BFSP1: variants seen among roughly 807,000 people sequenced by gnomAD.
BFSP1 encodes beaded filament structural protein 1, also known as filensin.
Under a neutral mutation model 43.9 loss-of-function variants are expected in BFSP1, and 38 were observed. The ratio of observed to expected loss-of-function variants is 0.87; its 90% confidence interval spans 0.67 to 1.14. The LOEUF is 1.14. Among genes scored for constraint, BFSP1 ranks in the 50% most tolerant of loss-of-function variants. BFSP1 has a pLI of 0.00. For missense variants in BFSP1, 850 were observed against 875.1 expected, an observed-to-expected ratio of 0.97 and a Z score of 0.36; for synonymous variants, 352 against 354.8, an observed-to-expected ratio of 0.99 and a Z score of 0.09.
intron 1 of BFSP1, among the ~76,000 whole-genome samples, chr20:17,568,677 T>C (rs1394694896): frequency 6.6e-6 from 1 of 152,046 alleles, no homozygotes; most frequent in Non-Finnish European, 1.5e-5. Context: ...ATGTCTCAGG[T>C]GGTAAAGGCT....
rs900178236 is a variant in BFSP1, at chr20:17,531,366, C to T, written c.-37G>A. On this transcript the variant is annotated 5_prime_UTR_variant, in exon 1 of 8. Transcript: ENST00000377873. ...CGCGGGCGCGCGGGCGGCGCCGAGC[C>T]GGCTCTCCAGGAGGCCCCCGGCGCA... The T allele has an allele frequency of 3.0e-6, 4 of 1,331,782 alleles. No individual in the cohort carries two copies. The South Asian group carries it at 5.6e-5, about 19-fold the overall frequency. The allele number at this position is 1,331,782 out of a possible 1,614,324, so 82.5% of individuals were successfully genotyped here. A position where few individuals can be genotyped will look rare whatever the true frequency, so the allele number is the denominator to read the frequency against.
chr20:17,500,515 G>C (rs900450826), intron 5 of BFSP1, among the ~76,000 whole-genome samples: 1 of 152,086 alleles, frequency 6.6e-6, no homozygotes, highest in Non-Finnish European at 1.5e-5. Context: ...TGTGCTGCCA[G>C]TTGCATAAAA....
At chr20:17,524,982 T>C (rs1185004098) in intron 1 of BFSP1, 74 bp from the exon 2 acceptor site, 1 of 1,331,788 alleles carries the variant, frequency 7.5e-7, no homozygotes, top group African/African-American at 1.4e-5. Context: ...TAATCAGCAT[T>C]AAATTCAACC....
chr20:17,533,502 T>A (rs981601644), upstream of BFSP1, among the ~76,000 whole-genome samples: 1 of 152,152 alleles, frequency 6.6e-6, no homozygotes, highest in Non-Finnish European at 1.5e-5. Context: ...GCTGCTCTGC[T>A]CCCAATGTCC....
chr20:17,496,947 C>A lies in BFSP1; in HGVS notation c.1033G>T (p.Gly345Cys). 6.5e-7 allele frequency: 1 copy of A among 1,535,104 alleles called. No homozygotes were observed. The highest frequency in any genetic ancestry group is 8.8e-7 in the Non-Finnish European group (1 of 1,142,326). ...TGTTGGGGAGCGTTACCTTTCCCAC[C>A]GGATCCAGTGCTGAGAGAGACTCCA... ...SHGVSLSTGS[G>C]GKDLTRALQD... The change falls in exon 7 of 8, where the codon GGT (glycine) becomes TGT (cysteine). Residue 345 changes from glycine to cysteine, a missense_variant. By Grantham distance (159) the Gly-to-Cys change is radical. Transcript: ENST00000377873.
intron 5 of BFSP1, among the ~76,000 whole-genome samples, chr20:17,504,121 G>C (rs1200384472): frequency 6.6e-6 from 1 of 152,168 alleles, no homozygotes; most frequent in African/African-American, 2.4e-5. Context: ...GAGATCCTCT[G>C]CTGGAACACT....
At chr20:17,536,595 T>C (rs1222430032) in intron 1 of BFSP1, among the ~76,000 whole-genome samples, 15 of 152,266 alleles carry the variant, frequency 9.9e-5, no homozygotes, top group Admixed American at 9.2e-4. Context: ...TTAATTAACA[T>C]TTTTCTTCAC....
At chr20:17,506,007 G>A (rs2033928524) in intron 5 of BFSP1, among the ~76,000 whole-genome samples, 1 of 152,220 alleles carries the variant, frequency 6.6e-6, no homozygotes, top group East Asian at 1.9e-4. Context: ...TTTAAGGAAA[G>A]GAGTTTATTC....
chr20:17,525,901 T>G lies in BFSP1; in HGVS notation c.378-993A>C, dbSNP rs1183912325. On this transcript the variant is annotated intron_variant, in intron 1 of 7. Coordinates refer to ENST00000377873, the MANE Select transcript of BFSP1 (RefSeq NM_001195.5). This position sits in a 1 kb window ranked among gnomAD's most constrained non-coding sequence, Gnocchi z 4.2. ...CTGCATGGCAGCTTCCAGATACCTT[T>G]AGTTAAGTAATGGTGTATGTGTGCC... is the stretch of plus-strand genomic sequence containing the variant. Among the ~76,000 whole-genome samples, 5 of 152,110 alleles carry G rather than the reference T, an allele frequency of 3.3e-5. No individual in the cohort carries two copies. The highest frequency in any genetic ancestry group is 1.2e-4 in the African/African-American group (5 of 41,420).
At chr20:17,505,033 A>G (rs1412116751) in intron 5 of BFSP1, among the ~76,000 whole-genome samples, 3 of 152,006 alleles carry the variant, frequency 2.0e-5, no homozygotes, top group East Asian at 1.9e-4. Context: ...GAAATGAGAC[A>G]TGGGCGGTTC....
chr20:17,501,203 T>C (rs141700874), intron 5 of BFSP1, among the ~76,000 whole-genome samples: 234 of 152,362 alleles, frequency 1.5e-3, no homozygotes, highest in Middle Eastern at 3.4e-3. Context: ...CAAAACCCAA[T>C]TCTTCACTTA....
At position 17,508,948 on chromosome 20, in the gene BFSP1, C is replaced by G; in HGVS notation, c.676G>C (p.Glu226Gln). The G allele has an allele frequency of 6.2e-7, 1 of 1,604,794 alleles. No individual in the cohort carries two copies. The highest frequency in any genetic ancestry group is 8.5e-7 in the Non-Finnish European group (1 of 1,176,446). Residue 226 changes from glutamate (E) to glutamine (Q), a missense_variant, in exon 5 of 8, where the codon GAG (glutamate) becomes CAG (glutamine). Coordinates refer to ENST00000377873, the MANE Select transcript of BFSP1 (RefSeq NM_001195.5). Reference sequence around the variant, plus strand: ...TGGGAGAGCACCTCCCGGCCCTCCTCCAGCTGACTCCGCAGGGCGGCCACC... The same window carrying G: ...TGGGAGAGCACCTCCCGGCCCTCCTGCAGCTGACTCCGCAGGGCGGCCACC... ...REVAALRSQL[E>Q]EGREVLSHLQ... is the part of the protein sequence containing the mutation.
chr20:17,498,335 T>C (rs543029754), intron 6 of BFSP1, among the ~76,000 whole-genome samples: 17 of 152,336 alleles, frequency 1.1e-4, no homozygotes, highest in Admixed American at 2.0e-4. Context: ...GACAGCCACA[T>C]AGTCACAGCC....
upstream of BFSP1, among the ~76,000 whole-genome samples, chr20:17,533,356 T>G (rs1484944141): frequency 6.6e-6 from 1 of 152,198 alleles, no homozygotes; most frequent in Non-Finnish European, 1.5e-5. Flanking sequence ...TAGCAAGAGT[T>G]ATAAAATCAT....
At chr20:17,531,804 G>A (rs1266906820), upstream of BFSP1, among the ~76,000 whole-genome samples, 1 of 151,156 alleles carries the variant, frequency 6.6e-6, no homozygotes, top group African/African-American at 2.4e-5. Flanking sequence ...TTTTTTTTCT[G>A]ATTACTTAAG....
chr20:17,502,560 T>C (rs776567230), intron 5 of BFSP1, among the ~76,000 whole-genome samples: 13 of 152,214 alleles, frequency 8.5e-5, no homozygotes, highest in Non-Finnish European at 1.6e-4. Context: ...GTGCAGTCTA[T>C]TAATGCGACA....
At chr20:17,542,567 C>T (rs1352788606) in intron 1 of BFSP1, among the ~76,000 whole-genome samples, 1 of 152,078 alleles carries the variant, frequency 6.6e-6, no homozygotes, top group Non-Finnish European at 1.5e-5. Flanking sequence ...CCATTGCATG[C>T]CTGCTCTGGT....
upstream of BFSP1, among the ~76,000 whole-genome samples, chr20:17,562,592 G>A (rs181278900): frequency 6.6e-5 from 9 of 135,890 alleles, no homozygotes; most frequent in African/African-American, 2.5e-4. Context: ...GAGGGACTAA[G>A]AACCACTGGT....
intron 1 of BFSP1, among the ~76,000 whole-genome samples, chr20:17,547,125 G>C (rs781260883): frequency 6.6e-6 from 1 of 151,734 alleles, no homozygotes; most frequent in South Asian, 2.1e-4. Flanking sequence ...CCTTGAGTCC[G>C]GGAGTTTGAG....
Sources: allele counts gnomAD v4.1 joint callset (sites outside exome capture counted in the v4.1 genomes callset), GRCh38; gene constraint gnomAD v4.1.1; non-coding constraint Gnocchi (gnomAD v3.1); transcripts MANE v1.5; gene names NCBI Gene and HGNC (gene_info 2026-07-23, HGNC 2026-07-21).